AGBL3: variants seen among roughly 807,000 people sequenced by gnomAD.
AGBL3 encodes the protein AGBL carboxypeptidase 3, also known as cytosolic carboxypeptidase 3.
AGBL3 carries 68 observed loss-of-function variants against 94.5 expected under a neutral mutation model. The observed-to-expected ratio is 0.72, with a 90% CI of 0.59 to 0.88. AGBL3 has a LOEUF of 0.88. AGBL3 is among the 40% of genes least tolerant of loss of function. The pLI is 0.00. For synonymous variants in AGBL3, 354 were observed against 370.7 expected, an observed-to-expected ratio of 0.95 and a Z score of 0.52; for missense variants, 934 against 1,103.8, an observed-to-expected ratio of 0.85 and a Z score of 2.18.
At chr7:135,101,317 C>A in intron 15 of AGBL3, 1 of 452,772 alleles carries the variant, frequency 2.2e-6, no homozygotes, top group Non-Finnish European at 4.4e-6. Flanking sequence ...TTCATGCATA[C>A]AAAGATGGTT....
chr7:135,124,037 A>G (rs1827509448), intron 16 of AGBL3, among the ~76,000 whole-genome samples: 1 of 152,202 alleles, frequency 6.6e-6, no homozygotes, highest in Non-Finnish European at 1.5e-5. Context: ...AAATTGACAC[A>G]TTACAATACT....
rs1358891871 is a variant in AGBL3 at position 135,017,033 on chromosome 7, G to C, written c.311-19G>C. 4.9e-6 allele frequency: 7 copies of C among 1,440,576 alleles called. No individual in the cohort carries two copies. Among genetic ancestry groups the C allele is most frequent in the Non-Finnish European group, 6.7e-6 (7 of 1,050,186 alleles). 89.2% of individuals were successfully genotyped at this position (1,440,576 alleles called of 1,614,324 possible). ...TATTTTGAAGTCATCTTCAAATAATGTTTCACTTTTTTTTCCAGATTGGAC... is the reference window on the plus strand; with the variant it reads ...TATTTTGAAGTCATCTTCAAATAATCTTTCACTTTTTTTTCCAGATTGGAC... On this transcript the variant is annotated intron_variant, in intron 4 of 16. Transcript: ENST00000436302.
intron 15 of AGBL3, among the ~76,000 whole-genome samples, chr7:135,105,200 G>A (rs573065910): frequency 6.6e-6 from 1 of 151,224 alleles, no homozygotes; most frequent in African/African-American, 2.4e-5. Flanking sequence ...CTCCCCAGTC[G>A]CTGGGATTAC....
chr7:135,062,166 GTTC>G (rs1322483992), intron 12 of AGBL3, among the ~76,000 whole-genome samples: 6 of 151,868 alleles, frequency 4.0e-5, no homozygotes, highest in African/African-American at 1.4e-4. Flanking sequence ...ATGGAATTAT[GTTC>G]TTGATTTCTT....
At chr7:135,107,986 T>A (rs974600706) in intron 15 of AGBL3, among the ~76,000 whole-genome samples, 1 of 152,106 alleles carries the variant, frequency 6.6e-6, no homozygotes, top group Admixed American at 6.5e-5. Flanking sequence ...CTTTTTTTTT[T>A]ATCTTTGTTG....
chr7:135,119,722 A>G (rs2117229742), intron 16 of AGBL3, among the ~76,000 whole-genome samples: 1 of 152,168 alleles, frequency 6.6e-6, no homozygotes, highest in Admixed American at 6.5e-5. Context: ...CTAAAAATAC[A>G]AAAAATTAGC....
chr7:135,100,123 T>G (rs533876609), intron 15 of AGBL3: 1 of 151,796 alleles, frequency 6.6e-6, no homozygotes, highest in African/African-American at 2.4e-5. Context: ...CCCGACCTCG[T>G]GATCTGCCTA....
At chr7:135,017,637 T>C (rs1161399454) in intron 5 of AGBL3, among the ~76,000 whole-genome samples, 2 of 152,232 alleles carry the variant, frequency 1.3e-5, no homozygotes, top group African/African-American at 4.8e-5. Flanking sequence ...CTCTCAACTA[T>C]ACTGCTCCTG....
chr7:135,076,505 A>T (rs185885473), intron 13 of AGBL3, 37 bp downstream of exon 13: 7 of 1,422,936 alleles, frequency 4.9e-6, no homozygotes, highest in Admixed American at 2.2e-5. Flanking sequence ...AGGTTTTTTT[A>T]AATGAATGAA....
intron 15 of AGBL3, among the ~76,000 whole-genome samples, chr7:135,105,714 G>T (rs1230094027): frequency 3.3e-5 from 5 of 151,866 alleles, no homozygotes; most frequent in Non-Finnish European, 7.4e-5. Context: ...TGCTATTTGG[G>T]CTTTTGTTTG....
intron 4 of AGBL3, among the ~76,000 whole-genome samples, chr7:135,012,944 G>T (rs555253646): frequency 1.3e-5 from 2 of 152,036 alleles, no homozygotes; most frequent in African/African-American, 4.8e-5. Context: ...TAATAAAGTT[G>T]ACTTCATCAA....
chr7:135,020,484 T>C (rs76620175), intron 5 of AGBL3, among the ~76,000 whole-genome samples: 61,430 of 152,002 alleles, frequency 0.4, 12,993 homozygotes, highest in South Asian at 0.53. Flanking sequence ...GTTCAACCAT[T>C]GTGGAAGACA....
chr7:135,007,688 TA>T (rs1356115580), intron 4 of AGBL3, among the ~76,000 whole-genome samples: 3 of 151,930 alleles, frequency 2.0e-5, no homozygotes, highest in South Asian at 2.1e-4. Context: ...AAGAGAAGTT[TA>T]AAAAGTCCAG....
chr7:135,057,968 G>A (rs906142500), intron 11 of AGBL3, among the ~76,000 whole-genome samples: 1 of 152,046 alleles, frequency 6.6e-6, no homozygotes, highest in Non-Finnish European at 1.5e-5. Flanking sequence ...GGAATTTTAG[G>A]GCAGTTTAAC....
At chr7:135,090,927 T>C (rs1446117770) in intron 15 of AGBL3, among the ~76,000 whole-genome samples, 2 of 152,136 alleles carry the variant, frequency 1.3e-5, no homozygotes, top group African/African-American at 2.4e-5. Context: ...ACTTCTGCTG[T>C]AGTTCCAGTT....
At chr7:135,082,269 TA>T (rs1440111255) in intron 15 of AGBL3, among the ~76,000 whole-genome samples, 1 of 152,158 alleles carries the variant, frequency 6.6e-6, no homozygotes, top group Non-Finnish European at 1.5e-5. Flanking sequence ...ACCTTAAAGG[TA>T]AATAATTCCA....
At chr7:135,059,122 A>C (rs1818598621) in intron 11 of AGBL3, 47 bp from the exon 12 acceptor site, 4 of 1,372,650 alleles carry the variant, frequency 2.9e-6, no homozygotes, top group Non-Finnish European at 4.0e-6. Context: ...TTGAAATTTT[A>C]AGATGCCACC....
chr7:135,132,411 AATCACAAGATCCT>A (rs1313897377), intron 16 of AGBL3, among the ~76,000 whole-genome samples: 2 of 152,194 alleles, frequency 1.3e-5, no homozygotes, highest in Non-Finnish European at 2.9e-5. Context: ...TAAGAAGAAA[AATCACAAGATCCT>A]ATTAATTGGC....
chr7:134,988,051 C>T, intron 2 of AGBL3, 55 bp downstream of exon 2: 3 of 1,223,840 alleles, frequency 2.5e-6, no homozygotes, highest in Admixed American at 5.2e-5. Context: ...TTATATAAAT[C>T]CCCAATTAAA....
Sources: allele counts gnomAD v4.1 joint callset (sites outside exome capture counted in the v4.1 genomes callset), GRCh38; gene constraint gnomAD v4.1.1; transcripts MANE v1.5; gene names NCBI Gene and HGNC (gene_info 2026-07-23, HGNC 2026-07-21).